Variants in IFNAR2 observed in about 807,000 individuals in gnomAD.
IFNAR2 encodes interferon alpha/beta receptor 2.
A neutral mutation model predicts 49.4 loss-of-function variants in IFNAR2; 30 were observed. The observed-to-expected ratio is 0.61, with a 90% CI of 0.45 to 0.82. The LOEUF is 0.82. Ranked by LOEUF, IFNAR2 falls within the 40% of genes least tolerant of loss-of-function variation. The pLI, the probability that IFNAR2 is intolerant of heterozygous loss-of-function variation, is 0.00. For missense variants in IFNAR2, 600 were observed against 622.7 expected (o/e 0.96, Z 0.39); for synonymous variants, 224 against 234.5 (o/e 0.96, Z 0.41).
chr21:33,248,428 A>T (rs1182371811), intron 5 of IFNAR2, among the ~76,000 whole-genome samples: 2 of 152,050 alleles, frequency 1.3e-5, no homozygotes, highest in South Asian at 4.1e-4. Flanking sequence ...GAAAAGAAAG[A>T]AAGAAATTAT....
intron 7 of IFNAR2, among the ~76,000 whole-genome samples, chr21:33,255,542 A>G (rs1187614197): frequency 6.6e-6 from 1 of 152,244 alleles, no homozygotes; most frequent in Non-Finnish European, 1.5e-5. Context: ...GAAGAGGTGC[A>G]CAGGACAAGG....
intron 6 of IFNAR2, among the ~76,000 whole-genome samples, chr21:33,249,479 T>G (rs1222573886): frequency 1.3e-5 from 2 of 151,444 alleles, no homozygotes; most frequent in African/African-American, 4.9e-5. Context: ...AAAAGGAGAG[T>G]TTAGCTGAGC....
At chr21:33,235,905 G>A (rs775261261) in intron 1 of IFNAR2, among the ~76,000 whole-genome samples, 4 of 150,978 alleles carry the variant, frequency 2.6e-5, no homozygotes, top group Non-Finnish European at 4.4e-5. Flanking sequence ...CCAGCCTGGG[G>A]GACAGAGTGA....
rs926927081 is a variant in IFNAR2, at chr21:33,230,057, C to T, written c.-243C>T. ...TCCCCGAGCGCAGCCCGCGGACCAC[C>T]ACCCGGCCGCACGGGCCGCTTTTGT... On this transcript the variant is annotated 5_prime_UTR_variant, in exon 1 of 9. Transcript: ENST00000342136. This position sits in a 1 kb window ranked among gnomAD's most constrained non-coding sequence, Gnocchi z 5.5. 7.1e-6 allele frequency: 7 copies of T among 986,770 alleles called. No homozygotes were observed. Among genetic ancestry groups the T allele is most frequent in the Non-Finnish European group, 8.4e-6 (7 of 830,544 alleles). The allele number at this position is 986,770 out of a possible 1,614,324, so 61.1% of individuals were successfully genotyped here.
intron 4 of IFNAR2, 80 bp downstream of exon 4, chr21:33,245,154 C>T (rs1987304208): frequency 3.9e-6 from 4 of 1,035,332 alleles, no homozygotes; most frequent in Non-Finnish European, 6.0e-6. Context: ...TTCTCTCTCT[C>T]TGTCTCTCCC....
chr21:33,255,678 G>C (rs955951690), intron 7 of IFNAR2, among the ~76,000 whole-genome samples: 1 of 152,126 alleles, frequency 6.6e-6, no homozygotes, highest in African/African-American at 2.4e-5. Flanking sequence ...TTTGTATTGG[G>C]TTTCATTATG....
intron 1 of IFNAR2, among the ~76,000 whole-genome samples, chr21:33,241,559 T>A (rs1986926314): frequency 6.6e-6 from 1 of 152,186 alleles, no homozygotes; most frequent in Admixed American, 6.5e-5. Context: ...TGTTTTTGCT[T>A]ATGCATGAAG....
At chr21:33,256,497 T>C (rs1988216517) in intron 7 of IFNAR2, among the ~76,000 whole-genome samples, 1 of 152,090 alleles carries the variant, frequency 6.6e-6, no homozygotes, top group South Asian at 2.1e-4. Flanking sequence ...TGAGGGGTCT[T>C]GGAAGGATAG....
In IFNAR2 at chr21:33,260,662, A is replaced by G; in HGVS notation, c.775A>G (p.Ser259Gly). Residue 259 changes from serine to glycine, a missense_variant, in exon 8 of 9, where the codon AGC becomes GGC. Ser to Gly is a moderately conservative substitution (Grantham distance 56). Coordinates refer to ENST00000342136, the MANE Select transcript of IFNAR2 (RefSeq NM_001289125.3). Reference sequence around the variant, plus strand: ...GTTTTTGATAGCATTGGTCTTGACAAGCACCATAGTGACACTGAAATGGAT... The same window carrying G: ...GTTTTTGATAGCATTGGTCTTGACAGGCACCATAGTGACACTGAAATGGAT... ...TVFLIALVLT[S>G]TIVTLKWIGY... 6.2e-7 allele frequency: 1 copy of G among 1,604,562 alleles called. No homozygotes were observed.
At chr21:33,257,159 G>A (rs1988260190) in intron 7 of IFNAR2, among the ~76,000 whole-genome samples, 1 of 152,306 alleles carries the variant, frequency 6.6e-6, no homozygotes, top group African/African-American at 2.4e-5. Context: ...GTCAGTTACT[G>A]GTGGTGATCT....
At chr21:33,252,081 CATCTATCT>C (rs61192253) in intron 6 of IFNAR2, 562 of 380,004 alleles carry the variant, frequency 1.5e-3, no homozygotes, top group Middle Eastern at 2.4e-3. Context: ...AGACCCCATC[CATCTATCT>C]ATCTATCTAT....
chr21:33,251,660 A>G (rs1407394811), intron 6 of IFNAR2: 3 of 985,152 alleles, frequency 3.0e-6, no homozygotes, highest in African/African-American at 3.5e-5. Context: ...CATTTATTAA[A>G]CTGCTAGTAA....
chr21:33,233,784 G>A (rs1370199320), intron 1 of IFNAR2, among the ~76,000 whole-genome samples: 1 of 152,044 alleles, frequency 6.6e-6, no homozygotes, highest in African/African-American at 2.4e-5. Context: ...AAGAACTTAA[G>A]AGTAGAGAAA....
chr21:33,260,636 T>G lies in IFNAR2; in HGVS notation c.749T>G (p.Val250Gly). The G allele has an allele frequency of 6.3e-7, 1 of 1,598,788 alleles. No homozygotes were observed. Among genetic ancestry groups the G allele is most frequent in the Non-Finnish European group, 8.5e-7 (1 of 1,175,622 alleles). Residue 250 changes from valine (V) to glycine (G), a missense_variant, in exon 8 of 9, where the codon GTG becomes GGG. By Grantham distance (109) the Val-to-Gly change is moderately radical. Coordinates refer to ENST00000342136, the MANE Select transcript of IFNAR2 (RefSeq NM_001289125.3). ...GCCAAAATAGGAGGAATAATTACTG[T>G]GTTTTTGATAGCATTGGTCTTGACA... ...ESAKIGGIITVFLIALVLTST... is the reference protein window; with the variant it reads ...ESAKIGGIITGFLIALVLTST...
At chr21:33,253,285 A>T (rs13047715) in intron 7 of IFNAR2, among the ~76,000 whole-genome samples, 3,030 of 152,228 alleles carry the variant, frequency 0.02, 121 homozygotes, top group African/African-American at 0.07. Context: ...AACCCTTGCC[A>T]GGGTGTACGA....
At chr21:33,247,197 T>C (rs1412869026) in intron 5 of IFNAR2, among the ~76,000 whole-genome samples, 1 of 151,808 alleles carries the variant, frequency 6.6e-6, no homozygotes, top group Non-Finnish European at 1.5e-5. Flanking sequence ...TCAGGTGGGC[T>C]GGATCTAGCG....
intron 2 of IFNAR2, 44 bp downstream of exon 2, chr21:33,242,021 G>T: frequency 6.3e-7 from 1 of 1,587,058 alleles, no homozygotes; most frequent in East Asian, 2.3e-5. Flanking sequence ...AGCAAGCTGT[G>T]ATGCCATCCT....
chr21:33,248,020 A>C (rs1289168479), intron 5 of IFNAR2, among the ~76,000 whole-genome samples: 1 of 152,260 alleles, frequency 6.6e-6, no homozygotes, highest in Non-Finnish European at 1.5e-5. Context: ...TTGTTAAAGA[A>C]TGCATATTAA....
chr21:33,260,148 G>C (rs1172182949), intron 7 of IFNAR2, among the ~76,000 whole-genome samples: 2 of 152,210 alleles, frequency 1.3e-5, no homozygotes, highest in Admixed American at 1.3e-4. Context: ...CCCCAGCGTG[G>C]CTAAAGTCCA....
Sources: allele counts gnomAD v4.1 joint callset (sites outside exome capture counted in the v4.1 genomes callset), GRCh38; gene constraint gnomAD v4.1.1; non-coding constraint Gnocchi (gnomAD v3.1); transcripts MANE v1.5; gene names NCBI Gene and HGNC (gene_info 2026-07-23, HGNC 2026-07-21).